The following ROR1 variants were observed in gnomAD, a reference collection of about 807,000 sequenced individuals.
ROR1 encodes ROR family WNT receptor 1, also known as inactive tyrosine-protein kinase transmembrane receptor ROR1.
A neutral mutation model predicts 78.8 loss-of-function variants in ROR1; 19 were observed. The ratio of observed to expected loss-of-function variants is 0.24; its 90% CI spans 0.17 to 0.35. The LOEUF (loss-of-function observed/expected upper bound fraction) is 0.35. Among genes scored for constraint, ROR1 ranks in the 10% least tolerant of loss-of-function variants. The pLI, the probability that ROR1 is intolerant of heterozygous loss-of-function variation, is 1.00. For synonymous variants in ROR1, 386 were observed against 433.6 expected (o/e 0.89, Z 1.36); for missense variants, 917 against 1,177.8 (o/e 0.78, Z 3.24).
At chr1:63,963,575 AC>A (rs1377160819) in intron 1 of ROR1, among the ~76,000 whole-genome samples, 2 of 149,464 alleles carry the variant, frequency 1.3e-5, no homozygotes, top group African/African-American at 5.1e-5. Flanking sequence ...TCTCAAAAAA[AC>A]AAAACAAAAC....
At chr1:64,040,776 A>G (rs1164742213) in intron 2 of ROR1, among the ~76,000 whole-genome samples, 4 of 152,232 alleles carry the variant, frequency 2.6e-5, no homozygotes, top group African/African-American at 9.6e-5. Flanking sequence ...TGACCTAATC[A>G]CTTCCCAAGG....
intron 1 of ROR1, among the ~76,000 whole-genome samples, chr1:63,785,962 A>C (rs1050023887): frequency 1.3e-5 from 2 of 152,170 alleles, no homozygotes; most frequent in African/African-American, 4.8e-5. Flanking sequence ...GCCTGTGACC[A>C]GGTAGTCTTC....
chr1:63,812,546 A>C (rs1041645151), intron 1 of ROR1, among the ~76,000 whole-genome samples: 2 of 152,222 alleles, frequency 1.3e-5, no homozygotes, highest in Admixed American at 1.3e-4. Context: ...GAATGAATGA[A>C]TGGTCAGGAA....
At chr1:64,148,301 T>A (rs2100719225) in intron 7 of ROR1, among the ~76,000 whole-genome samples, 1 of 152,268 alleles carries the variant, frequency 6.6e-6, no homozygotes, top group Middle Eastern at 3.4e-3. Flanking sequence ...CTCAGCCTTT[T>A]AAACTGTGGT....
chr1:64,166,077 T>G (rs932794426), intron 8 of ROR1, among the ~76,000 whole-genome samples: 1 of 152,240 alleles, frequency 6.6e-6, no homozygotes, highest in African/African-American at 2.4e-5. Flanking sequence ...TTCAATCTTC[T>G]GCATATAGCT....
At chr1:64,130,260 C>T (rs1648866745) in intron 4 of ROR1, among the ~76,000 whole-genome samples, 1 of 152,098 alleles carries the variant, frequency 6.6e-6, no homozygotes, top group Non-Finnish European at 1.5e-5. Context: ...AGTCGTTGGC[C>T]CTCTGGGTTG....
chr1:64,035,066 T>C (rs551424563), intron 2 of ROR1, among the ~76,000 whole-genome samples: 1 of 152,294 alleles, frequency 6.6e-6, no homozygotes, highest in Non-Finnish European at 1.5e-5. Flanking sequence ...TATTTTCATA[T>C]GTTTTTCAAA....
At chr1:63,870,152 T>A (rs1229737428) in intron 1 of ROR1, among the ~76,000 whole-genome samples, 1 of 152,186 alleles carries the variant, frequency 6.6e-6, no homozygotes, top group Non-Finnish European at 1.5e-5. Context: ...TTGCACACAG[T>A]GGAAATCATA....
intron 1 of ROR1, among the ~76,000 whole-genome samples, chr1:63,819,192 C>T (rs1239562319): frequency 6.6e-6 from 1 of 152,096 alleles, no homozygotes; most frequent in African/African-American, 2.4e-5. Flanking sequence ...TCTTCTTCTC[C>T]AGCTTAGAAG....
intron 1 of ROR1, among the ~76,000 whole-genome samples, chr1:63,942,273 C>G (rs1471523641): frequency 6.6e-6 from 1 of 152,170 alleles, no homozygotes; most frequent in African/African-American, 2.4e-5. Context: ...AAAAACAATC[C>G]TGGCAGAGAA....
chr1:63,845,477 G>C (rs1645075225), intron 1 of ROR1, among the ~76,000 whole-genome samples: 1 of 152,154 alleles, frequency 6.6e-6, no homozygotes, highest in African/African-American at 2.4e-5. Flanking sequence ...CCTTGGCTTT[G>C]TGTCTTTGCT....
intron 4 of ROR1, among the ~76,000 whole-genome samples, chr1:64,134,491 C>G (rs974835566): frequency 4.6e-5 from 7 of 152,044 alleles, no homozygotes; most frequent in African/African-American, 1.4e-4. Context: ...GTTTCTCTCT[C>G]GTAAAATAAG....
chr1:63,886,597 G>A (rs544619036), intron 1 of ROR1, among the ~76,000 whole-genome samples: 42 of 152,196 alleles, frequency 2.8e-4, no homozygotes, highest in East Asian at 1.9e-4. Context: ...TCAGTTCCTG[G>A]CACTTACTAA....
At chr1:64,045,895 C>T (rs1437790325) in intron 2 of ROR1, among the ~76,000 whole-genome samples, 2 of 152,140 alleles carry the variant, frequency 1.3e-5, no homozygotes, top group African/African-American at 4.8e-5. Flanking sequence ...CTCCCACTTA[C>T]CATCTGCCAT....
At chr1:64,119,565 G>A (rs1293054304) in intron 4 of ROR1, among the ~76,000 whole-genome samples, 1 of 150,976 alleles carries the variant, frequency 6.6e-6, no homozygotes, top group East Asian at 1.9e-4. Flanking sequence ...CTTGAACCCA[G>A]GAGGTGGAGG....
At chr1:63,932,472 G>T (rs539583809) in intron 1 of ROR1, among the ~76,000 whole-genome samples, 1 of 152,296 alleles carries the variant, frequency 6.6e-6, no homozygotes, top group African/African-American at 2.4e-5. Flanking sequence ...TGTATGAGAA[G>T]TGAGGCCTAC....
chr1:64,179,715 G>T lies in ROR1; in HGVS notation c.*860G>T, dbSNP rs1650498925. ...ATCAGCATCTGTGGGAAAGGAAAAA[G>T]GGTTCCCATGGGGACAGCCCCCATA... is the stretch of plus-strand genomic sequence containing the variant. On this transcript the variant is annotated 3_prime_UTR_variant, in exon 9 of 9. Coordinates refer to ENST00000371079, the MANE Select transcript of ROR1 (RefSeq NM_005012.4). The T allele has an allele frequency of 1.3e-5, 2 of 152,138 alleles. No homozygotes were observed. The highest frequency in any genetic ancestry group is 6.5e-5 in the Admixed American group (1 of 15,282). The allele number at this position is 152,138 out of a possible 1,614,324, so 9.4% of individuals were successfully genotyped here.
intron 1 of ROR1, among the ~76,000 whole-genome samples, chr1:63,893,695 A>G (rs1028806063): frequency 1.3e-5 from 2 of 152,104 alleles, no homozygotes; most frequent in East Asian, 3.9e-4. Context: ...CTTTTCATCA[A>G]TTAATGGTAT....
chr1:63,941,303 T>C (rs1258449767), intron 1 of ROR1, among the ~76,000 whole-genome samples: 5 of 152,328 alleles, frequency 3.3e-5, no homozygotes, highest in Admixed American at 2.0e-4. Flanking sequence ...ATGCAACTTA[T>C]TCATCTGTAG....
Sources: gnomAD v4.1 joint callset for allele counts (sites outside exome capture counted in the v4.1 genomes callset) on GRCh38, gnomAD v4.1.1 for gene constraint, MANE v1.5 for transcripts, NCBI Gene and HGNC (gene_info 2026-07-23, HGNC 2026-07-21) for gene names.